Variants in ZNF704 observed in about 807,000 individuals in gnomAD.
ZNF704 encodes zinc finger protein 704, also known as glucocorticoid induced gene 1.
In ZNF704, 10 loss-of-function variants were observed where a neutral mutation model predicts 44.7. The ratio of observed to expected loss-of-function variants is 0.22; its 90% CI spans 0.14 to 0.38. The LOEUF (loss-of-function observed/expected upper bound fraction) is 0.38, where lower values mean the gene tolerates loss of function less well. ZNF704 is among the 10% of genes least tolerant of loss of function. ZNF704 has a pLI of 1.00. For missense variants in ZNF704, 390 were observed against 545.5 expected (o/e 0.71, Z 2.84); for synonymous variants, 211 against 207.6 (o/e 1.02, Z -0.14).
intron 4 of ZNF704, among the ~76,000 whole-genome samples, chr8:80,681,555 C>G (rs1818453878): frequency 6.6e-6 from 1 of 151,994 alleles, no homozygotes; most frequent in African/African-American, 2.4e-5. Flanking sequence ...GGTGGTTACT[C>G]AGGTAGAGAC....
At chr8:80,818,677 G>GA (rs1255485569) in intron 2 of ZNF704, among the ~76,000 whole-genome samples, 2 of 152,166 alleles carry the variant, frequency 1.3e-5, no homozygotes, top group Non-Finnish European at 2.9e-5. Context: ...CACAGGTGCA[G>GA]AACCCATGGA....
At chr8:80,741,631 A>G (rs1238579489) in intron 2 of ZNF704, among the ~76,000 whole-genome samples, 1 of 152,258 alleles carries the variant, frequency 6.6e-6, no homozygotes, top group Non-Finnish European at 1.5e-5. Flanking sequence ...TTGAAGGGCC[A>G]GTGCTGCGAC....
intron 2 of ZNF704, among the ~76,000 whole-genome samples, chr8:80,820,122 C>T (rs1465828490): frequency 6.6e-6 from 1 of 152,212 alleles, no homozygotes; most frequent in Non-Finnish European, 1.5e-5. Flanking sequence ...TCTCATGCTA[C>T]AGCATTTTCT....
Position 80,629,568 on chromosome 8 carries a change from C to T in ZNF704, c.*11798G>A. On this transcript the variant is annotated 3_prime_UTR_variant, in exon 9 of 9. Transcript: ENST00000327835. Reference sequence around the variant, plus strand: ...ATGTAGTAAAGCACTGATTAAAGAGCGAAGACAAATTATTAGGGGAAAAAG... The same window carrying T: ...ATGTAGTAAAGCACTGATTAAAGAGTGAAGACAAATTATTAGGGGAAAAAG... 1 of 151,590 alleles carries T rather than the reference C, an allele frequency of 6.6e-6. No homozygotes were observed. Among genetic ancestry groups the T allele is most frequent in the Non-Finnish European group, 1.5e-5 (1 of 67,910 alleles). The allele number at this position is 151,590 out of a possible 1,614,324, so 9.4% of individuals were successfully genotyped here. A position where few individuals can be genotyped will look rare whatever the true frequency, so the allele number is the denominator to read the frequency against.
intron 1 of ZNF704, among the ~76,000 whole-genome samples, chr8:80,862,902 C>G (rs1177827353): frequency 6.6e-6 from 1 of 151,822 alleles, no homozygotes; most frequent in Admixed American, 6.6e-5. Context: ...CAAATAGAGA[C>G]CTTGCTGTCT....
chr8:80,838,682 G>C (rs1298671118), intron 1 of ZNF704, among the ~76,000 whole-genome samples: 1 of 151,032 alleles, frequency 6.6e-6, no homozygotes, highest in Admixed American at 6.6e-5. Context: ...GGAGGAGGAG[G>C]AGGAGGAGGG....
At chr8:80,832,218 T>A (rs1216824613) in intron 1 of ZNF704, among the ~76,000 whole-genome samples, 1 of 152,228 alleles carries the variant, frequency 6.6e-6, no homozygotes, top group African/African-American at 2.4e-5. Flanking sequence ...ATTGCCATTT[T>A]TTTTTTAACA....
At chr8:80,773,280 T>A (rs1001870555) in intron 2 of ZNF704, among the ~76,000 whole-genome samples, 13 of 152,190 alleles carry the variant, frequency 8.5e-5, no homozygotes, top group Admixed American at 2.0e-4. Flanking sequence ...TTTGAGTGTA[T>A]CCCTTTGTAT....
intron 4 of ZNF704, among the ~76,000 whole-genome samples, chr8:80,678,425 A>G (rs1299280922): frequency 4.6e-5 from 7 of 152,222 alleles, no homozygotes; most frequent in Non-Finnish European, 1.0e-4. Flanking sequence ...TCAGAGCTCT[A>G]CCTTCATAGT....
At chr8:80,834,947 G>C (rs1052328866) in intron 1 of ZNF704, among the ~76,000 whole-genome samples, 2 of 152,224 alleles carry the variant, frequency 1.3e-5, no homozygotes, top group Admixed American at 1.3e-4. Context: ...TGGACATTTG[G>C]GTTGGTTCCA....
chr8:80,786,686 C>A (rs1344753335), intron 2 of ZNF704, among the ~76,000 whole-genome samples: 1 of 152,154 alleles, frequency 6.6e-6, no homozygotes, highest in African/African-American at 2.4e-5. Context: ...AAGTCATGAA[C>A]TCTGTATCAT....
chr8:80,727,949 T>C (rs1184561915), intron 2 of ZNF704, among the ~76,000 whole-genome samples: 1 of 152,124 alleles, frequency 6.6e-6, no homozygotes, highest in African/African-American at 2.4e-5. Context: ...TTGCTGCACT[T>C]ACCAAACTAC....
At chr8:80,826,676 T>C (rs1187237017) in intron 1 of ZNF704, among the ~76,000 whole-genome samples, 2 of 152,176 alleles carry the variant, frequency 1.3e-5, no homozygotes, top group Non-Finnish European at 2.9e-5. Flanking sequence ...AAATCCTCAG[T>C]AAAATACTGG....
intron 1 of ZNF704, among the ~76,000 whole-genome samples, chr8:80,839,632 G>A (rs1430540280): frequency 6.6e-6 from 1 of 152,184 alleles, no homozygotes; most frequent in East Asian, 1.9e-4. Context: ...AGATAGAAAT[G>A]ACTATAAGGG....
intron 2 of ZNF704, among the ~76,000 whole-genome samples, chr8:80,739,080 CA>C (rs773123870): frequency 5.9e-5 from 9 of 152,164 alleles, no homozygotes; most frequent in Non-Finnish European, 1.2e-4. Flanking sequence ...TACTCAGCCC[CA>C]AAATCCACTC....
chr8:80,696,937 C>T (rs1818735714), intron 2 of ZNF704, among the ~76,000 whole-genome samples: 1 of 152,120 alleles, frequency 6.6e-6, no homozygotes, highest in Non-Finnish European at 1.5e-5. Flanking sequence ...TGTGGTGTCA[C>T]GTTGGTGCTC....
chr8:80,879,577 C>G (rs1270968905), upstream of ZNF704, among the ~76,000 whole-genome samples: 1 of 152,150 alleles, frequency 6.6e-6, no homozygotes, highest in African/African-American at 2.4e-5. Flanking sequence ...GGACTGCCAT[C>G]TCTGTTCCTA....
At chr8:80,846,674 C>A (rs1808772541) in intron 1 of ZNF704, among the ~76,000 whole-genome samples, 3 of 152,116 alleles carry the variant, frequency 2.0e-5, no homozygotes, top group South Asian at 4.1e-4. Context: ...CTTAAAACTT[C>A]TCCAGAAAAA....
chr8:80,668,383 A>G lies in ZNF704; in HGVS notation c.659+2120T>C, dbSNP rs567822179. ...CAGTGGCTTGTCCCAGCCTAGCTCC[A>G]TTTCCCCTGAGCTCCCAGGCTGAGG... On this transcript the variant is annotated intron_variant, in intron 5 of 8. Coordinates refer to ENST00000327835, the MANE Select transcript of ZNF704 (RefSeq NM_001033723.3). Among the ~76,000 whole-genome samples the G allele has an allele frequency of 1.0e-3, 156 of 152,214 alleles. 1 individual carries two copies. The highest frequency in any genetic ancestry group is 3.4e-3 in the African/African-American group (140 of 41,530).
Sources: allele counts gnomAD v4.1 joint callset (sites outside exome capture counted in the v4.1 genomes callset), GRCh38; gene constraint gnomAD v4.1.1; transcripts MANE v1.5; gene names NCBI Gene and HGNC (gene_info 2026-07-23, HGNC 2026-07-21).